Variants in FOCAD observed in about 807,000 individuals in gnomAD.
FOCAD encodes the protein focadhesin.
FOCAD carries 198 observed loss-of-function variants against 225.6 expected under a neutral mutation model. The observed-to-expected ratio is 0.88, with a 90% CI of 0.78 to 0.99. The LOEUF is 0.99. Ranked by LOEUF, FOCAD falls within the 50% of genes least tolerant of loss-of-function variation. The pLI is 0.00. For synonymous variants in FOCAD, 897 were observed against 755.0 expected, an observed-to-expected ratio of 1.19 and a Z score of -3.08; for missense variants, 2,713 against 2,123.6, an observed-to-expected ratio of 1.28 and a Z score of -5.46.
intron 22 of FOCAD, among the ~76,000 whole-genome samples, chr9:20,912,485 G>C (rs1833519937): frequency 6.6e-6 from 1 of 152,058 alleles, no homozygotes; most frequent in African/African-American, 2.4e-5. Context: ...TTATAATACT[G>C]GTGTATGGTC....
At chr9:20,936,566 C>T (rs890294733) in intron 28 of FOCAD, among the ~76,000 whole-genome samples, 1 of 152,090 alleles carries the variant, frequency 6.6e-6, no homozygotes, top group East Asian at 1.9e-4. Context: ...CGGTGGCTCA[C>T]GCCTGTAATC....
intron 2 of FOCAD, among the ~76,000 whole-genome samples, chr9:20,716,856 T>A (rs1825377726): frequency 6.6e-6 from 1 of 152,218 alleles, no homozygotes; most frequent in Non-Finnish European, 1.5e-5. Context: ...AGAACTCTTG[T>A]GTGACTATAA....
chr9:20,830,413 G>A (rs1825366663), intron 15 of FOCAD, among the ~76,000 whole-genome samples: 1 of 151,964 alleles, frequency 6.6e-6, no homozygotes, highest in South Asian at 2.1e-4. Context: ...GGTTTTTAAA[G>A]CATCACATTT....
intron 11 of FOCAD, among the ~76,000 whole-genome samples, chr9:20,813,143 C>T (rs1458785929): frequency 6.6e-6 from 1 of 152,084 alleles, no homozygotes; most frequent in Admixed American, 6.6e-5. Flanking sequence ...GCTTATTTCA[C>T]TTAGCATTGT....
At chr9:20,779,850 C>T (rs1177216181) in intron 9 of FOCAD, among the ~76,000 whole-genome samples, 1 of 152,114 alleles carries the variant, frequency 6.6e-6, no homozygotes, top group Non-Finnish European at 1.5e-5. Flanking sequence ...CTTTCACCTA[C>T]AGTGTGCCTT....
intron 8 of FOCAD, among the ~76,000 whole-genome samples, chr9:20,777,575 C>T (rs982877968): frequency 2.0e-5 from 3 of 151,900 alleles, no homozygotes; most frequent in Non-Finnish European, 2.9e-5. Flanking sequence ...CATTGCTCTG[C>T]TACATTTAAA....
At chr9:20,805,540 A>T (rs1417223913) in intron 11 of FOCAD, among the ~76,000 whole-genome samples, 2 of 152,138 alleles carry the variant, frequency 1.3e-5, no homozygotes, top group Non-Finnish European at 2.9e-5. Context: ...GTTAATTTTC[A>T]GGTCAAATAC....
intron 18 of FOCAD, among the ~76,000 whole-genome samples, chr9:20,868,631 G>T (rs1358882722): frequency 2.0e-5 from 3 of 151,894 alleles, no homozygotes; most frequent in African/African-American, 7.3e-5. Flanking sequence ...ATATATGTTT[G>T]GGTTTTCAGC....
chr9:20,866,029 T>A, intron 17 of FOCAD, 53 bp downstream of exon 17: 1 of 1,449,186 alleles, frequency 6.9e-7, no homozygotes, highest in Non-Finnish European at 9.5e-7. Context: ...GAAATAATTT[T>A]GACATTTGTA....
At chr9:20,831,398 G>A (rs1825480157) in intron 15 of FOCAD, among the ~76,000 whole-genome samples, 1 of 152,026 alleles carries the variant, frequency 6.6e-6, no homozygotes, top group African/African-American at 2.4e-5. Flanking sequence ...CACAAAATGT[G>A]TTAACCTTAA....
Position 20,948,256 on chromosome 9 carries a change from AT to A in FOCAD, c.3676-12del, listed in dbSNP as rs1014494231. 2.6e-6 allele frequency: 4 copies of A among 1,564,234 alleles called. No individual in the cohort carries two copies. The African/African-American group carries it at 5.6e-5, about 22-fold the overall frequency. On this transcript the variant is annotated splice_polypyrimidine_tract_variant and intron_variant, in intron 30 of 43. Transcript: ENST00000338382. ...TTTTTCTTTTTCTTACCCCATTTTT[AT>A]TTATTTATATCAGACTTCAGGTTTT...
intron 41 of FOCAD, among the ~76,000 whole-genome samples, chr9:20,988,921 T>C (rs1841420660): frequency 6.6e-6 from 1 of 152,214 alleles, no homozygotes; most frequent in South Asian, 2.1e-4. Flanking sequence ...CCAATACTTA[T>C]GTGCATGTGT....
chr9:20,740,658 T>C (rs368727046), intron 5 of FOCAD, among the ~76,000 whole-genome samples: 2 of 152,164 alleles, frequency 1.3e-5, no homozygotes, highest in African/African-American at 2.4e-5. Context: ...GAAGACTTCA[T>C]TGAACAAAGA....
intron 4 of FOCAD, among the ~76,000 whole-genome samples, chr9:20,732,711 A>C (rs1189315188): frequency 6.6e-6 from 1 of 152,194 alleles, no homozygotes; most frequent in Non-Finnish European, 1.5e-5. Context: ...CACAGAGATT[A>C]GGTGGCTGTT....
Position 20,976,480 on chromosome 9 carries a change from G to C in FOCAD, c.4193G>C (p.Gly1398Ala), listed in dbSNP as rs772997220. The change falls in exon 36 of 44, where the codon GGA becomes GCA. Residue 1398 changes from glycine to alanine, a missense_variant. By Grantham distance (60) the Gly-to-Ala change is moderately conservative. Transcript: ENST00000338382. The part of the protein sequence containing the change: ...KVVMKPIATV[G>A]ESYQYPPVNW... The stretch of plus-strand genomic sequence containing the variant: ...GTGATGAAACCCATAGCAACTGTTG[G>C]AGAAAGCTACCAATATCCTCCTGTG... 5 of 1,613,330 alleles carry C rather than the reference G, an allele frequency of 3.1e-6. No individual in the cohort carries two copies. Among genetic ancestry groups the C allele is most frequent in the Non-Finnish European group, 3.4e-6 (4 of 1,179,408 alleles).
At chr9:20,765,425 C>T (rs1306235453) in intron 7 of FOCAD, among the ~76,000 whole-genome samples, 2 of 151,834 alleles carry the variant, frequency 1.3e-5, no homozygotes, top group Non-Finnish European at 2.9e-5. Context: ...AAAAAAAGAC[C>T]TCTGTGCACA....
chr9:20,831,513 A>G (rs10811413), intron 15 of FOCAD, among the ~76,000 whole-genome samples: 36,185 of 151,956 alleles, frequency 0.24, 4,375 homozygotes, highest in Non-Finnish European at 0.26. Context: ...GGTAGGGGAA[A>G]CATGGTGTTA....
chr9:20,752,925 G>T (rs35854213), intron 5 of FOCAD, among the ~76,000 whole-genome samples: 93,958 of 145,100 alleles, frequency 0.65, 30,821 homozygotes, highest in Non-Finnish European at 0.68. Context: ...GAAGCAATTG[G>T]GAATGGGAGT....
chr9:20,866,899 T>TTTTTTTTTTTTTTTTTTC, intron 17 of FOCAD, 30 bp from the exon 18 acceptor site: 1 of 675,912 alleles, frequency 1.5e-6, no homozygotes, highest in Non-Finnish European at 2.2e-6. Context: ...TTTTTTTTTT[T>TTTTTTTTTTTTTTTTTTC]TTTTTTTTTT....
Sources: allele counts gnomAD v4.1 joint callset (sites outside exome capture counted in the v4.1 genomes callset), GRCh38; gene constraint gnomAD v4.1.1; transcripts MANE v1.5; gene names NCBI Gene and HGNC (gene_info 2026-07-23, HGNC 2026-07-21).